Variants in AFAP1 observed in about 807,000 individuals in gnomAD.
The protein encoded by AFAP1 is actin filament associated protein 1, also known as actin filament-associated protein 1.
In AFAP1, 75 loss-of-function variants were observed where a neutral mutation model predicts 93.9. The observed-to-expected ratio is 0.80, with a 90% CI of 0.66 to 0.97. AFAP1 has a LOEUF of 0.97. AFAP1 is among the 50% of genes least tolerant of loss of function. AFAP1 has a pLI of 0.00. For missense variants in AFAP1, 1,201 were observed against 1,050.8 expected (o/e 1.14, Z -1.98); for synonymous variants, 517 against 430.7 (o/e 1.20, Z -2.48).
intron 1 of AFAP1, among the ~76,000 whole-genome samples, chr4:7,918,922 G>GTTGGAAGAGA (rs1720266589): frequency 1.5e-5 from 2 of 130,760 alleles, no homozygotes; most frequent in African/African-American, 2.9e-5. Context: ...AAACAGGGCT[G>GTTGGAAGAGA]CCGGATGAGA....
intron 1 of AFAP1, among the ~76,000 whole-genome samples, chr4:7,872,696 G>C (rs1717149796): frequency 6.6e-6 from 1 of 152,126 alleles, no homozygotes; most frequent in South Asian, 2.1e-4. Context: ...TCAGCAGTTT[G>C]TAGATGATGA....
chr4:7,905,450 A>G (rs1719347441), intron 1 of AFAP1, among the ~76,000 whole-genome samples: 1 of 152,272 alleles, frequency 6.6e-6, no homozygotes, highest in African/African-American at 2.4e-5. Context: ...ATACAACAAC[A>G]AATTAAATTC....
intron 1 of AFAP1, among the ~76,000 whole-genome samples, chr4:7,931,254 C>A (rs993603562): frequency 2.6e-5 from 4 of 152,174 alleles, no homozygotes; most frequent in Admixed American, 1.3e-4. Context: ...TAGGGAATTG[C>A]TGGGTTTTGT....
intron 1 of AFAP1, among the ~76,000 whole-genome samples, chr4:7,926,590 G>A (rs141903115): frequency 2.6e-5 from 4 of 152,274 alleles, no homozygotes; most frequent in South Asian, 4.1e-4. Flanking sequence ...GTTCCAGGAC[G>A]TGGACTATTT....
chr4:7,871,053 C>A (rs1247465662), intron 2 of AFAP1, among the ~76,000 whole-genome samples: 1 of 152,212 alleles, frequency 6.6e-6, no homozygotes, highest in Admixed American at 6.5e-5. Flanking sequence ...GGACCTTCCA[C>A]CACCCCGGTC....
At chr4:7,932,500 A>G (rs1316112070) in intron 1 of AFAP1, among the ~76,000 whole-genome samples, 1 of 152,204 alleles carries the variant, frequency 6.6e-6, no homozygotes, top group Non-Finnish European at 1.5e-5. Context: ...TCACCCCATG[A>G]AGAGTTCTTT....
At chr4:7,769,555 T>C (rs1715120860) in intron 16 of AFAP1, among the ~76,000 whole-genome samples, 1 of 152,070 alleles carries the variant, frequency 6.6e-6, no homozygotes, top group African/African-American at 2.4e-5. Flanking sequence ...GAGGAGGTGT[T>C]CAGGAAGGCT....
At chr4:7,906,746 C>T (rs1159637112) in intron 1 of AFAP1, among the ~76,000 whole-genome samples, 1 of 152,186 alleles carries the variant, frequency 6.6e-6, no homozygotes, top group South Asian at 2.1e-4. Context: ...CAAGGCCAGG[C>T]GCGGTGGCTC....
In AFAP1 at chr4:7,935,362, C is replaced by T. The variant is rs371094592; in HGVS notation, c.-3+4294G>A. On this transcript the variant is annotated intron_variant, in intron 1 of 17. Transcript: ENST00000420658. ...GTAGGGCCACATATCGAATTCCAGT[C>T]CTCTGCTAAAAAGAACTAAAGTTAT... Among the ~76,000 whole-genome samples, 34 of 152,270 alleles carry T rather than the reference C, an allele frequency of 2.2e-4. No homozygotes were observed. The East Asian group carries it at 4.0e-3, about 18-fold the overall frequency.
intron 1 of AFAP1, among the ~76,000 whole-genome samples, chr4:7,897,344 T>C (rs889536370): frequency 6.6e-6 from 1 of 152,164 alleles, no homozygotes; most frequent in African/African-American, 2.4e-5. Flanking sequence ...GTAGGCTCAA[T>C]TCCATATAAA....
intron 1 of AFAP1, among the ~76,000 whole-genome samples, chr4:7,887,041 AG>A (rs1368533090): frequency 6.6e-6 from 1 of 152,222 alleles, no homozygotes; most frequent in African/African-American, 2.4e-5. Context: ...ATTCTAGGAA[AG>A]GAAGAATCAC....
intron 1 of AFAP1, among the ~76,000 whole-genome samples, chr4:7,877,696 A>C (rs968071567): frequency 1.3e-5 from 2 of 152,232 alleles, no homozygotes; most frequent in Admixed American, 6.5e-5. Context: ...AACATTTCAT[A>C]ATAATAATTC....
intron 10 of AFAP1, chr4:7,798,825 C>T (rs541796413): frequency 4.2e-6 from 4 of 945,948 alleles, no homozygotes; most frequent in Non-Finnish European, 5.1e-6. Context: ...CTGACTTCCA[C>T]CCACCCCCAC....
Position 7,937,078 on chromosome 4 carries a change from G to A in AFAP1, c.-3+2578C>T, listed in dbSNP as rs1263428494. On this transcript the variant is annotated intron_variant, in intron 1 of 17. Coordinates refer to ENST00000420658, the MANE Select transcript of AFAP1 (RefSeq NM_001134647.2). ...ATCTGAGCTCAACAACTCCATTAAT[G>A]AGAAAAAAACAAACCAATTGGATAT... Among the ~76,000 whole-genome samples the A allele has an allele frequency of 2.0e-5, 3 of 151,770 alleles. No homozygotes were observed. In the East Asian group the frequency reaches 5.8e-4, roughly 29 times the overall value.
intron 8 of AFAP1, 40 bp downstream of exon 8, chr4:7,815,978 T>G (rs747416424): frequency 1.4e-5 from 22 of 1,544,810 alleles, no homozygotes; most frequent in East Asian, 1.3e-4. Flanking sequence ...TTTGTTTTTT[T>G]TTTTAGTGTA....
intron 7 of AFAP1, among the ~76,000 whole-genome samples, chr4:7,816,808 CAGATG>C (rs1161617542): frequency 6.6e-6 from 1 of 152,202 alleles, no homozygotes; most frequent in African/African-American, 2.4e-5. Flanking sequence ...GACTGGGACA[CAGATG>C]AGATATGTGA....
intron 1 of AFAP1, among the ~76,000 whole-genome samples, chr4:7,893,094 G>A (rs1282331466): frequency 6.6e-6 from 1 of 152,168 alleles, no homozygotes; most frequent in Non-Finnish European, 1.5e-5. Flanking sequence ...CGGTGCCGGG[G>A]GGGCAGAAAC....
At chr4:7,772,313 TTCTCAGCGG>T (rs1327817885) in intron 16 of AFAP1, 1 of 152,830 alleles carries the variant, frequency 6.5e-6, no homozygotes, top group East Asian at 1.9e-4. Flanking sequence ...GACGTCTAAG[TTCTCAGCGG>T]TCTCAGCCGA....
At chr4:7,838,798 A>C (rs1160651959) in intron 5 of AFAP1, 95 bp from the exon 6 acceptor site, 1 of 1,398,172 alleles carries the variant, frequency 7.2e-7, no homozygotes, top group East Asian at 2.3e-5. Flanking sequence ...AGTGCGGGCA[A>C]GGCATCTGAA....
Sources: allele counts gnomAD v4.1 joint callset (sites outside exome capture counted in the v4.1 genomes callset), GRCh38; gene constraint gnomAD v4.1.1; transcripts MANE v1.5; gene names NCBI Gene and HGNC (gene_info 2026-07-23, HGNC 2026-07-21).